ENTREP2: variants seen among roughly 807,000 people sequenced by gnomAD.
ENTREP2 encodes protein ENTREP2.
At chr15:29,160,087 C>T in the ENTREP2 span, among the ~76,000 whole-genome samples, 32 of 152,206 alleles carry the variant, frequency 2.1e-4, no homozygotes, top group Non-Finnish European at 4.3e-4. Context: ...AGCTAAGGCC[C>T]GGTGAGAAAT....
At chr15:29,136,095 A>G in the ENTREP2 span, among the ~76,000 whole-genome samples, 1 of 152,250 alleles carries the variant, frequency 6.6e-6, no homozygotes, top group South Asian at 2.1e-4. Context: ...TGGGTTCCCC[A>G]GGCCCGGGCT....
At chr15:29,347,703 G>A in the ENTREP2 span, among the ~76,000 whole-genome samples, 1 of 152,160 alleles carries the variant, frequency 6.6e-6, no homozygotes, top group Non-Finnish European at 1.5e-5. Context: ...TGATTGAAAA[G>A]AAGATAAGGG....
chr15:29,372,278 G>A, the ENTREP2 span, among the ~76,000 whole-genome samples: 1 of 152,038 alleles, frequency 6.6e-6, no homozygotes, highest in East Asian at 1.9e-4. Flanking sequence ...CTTTATGATG[G>A]TCCACTTCCA....
At chr15:29,515,317 G>A in the ENTREP2 span, among the ~76,000 whole-genome samples, 1 of 152,178 alleles carries the variant, frequency 6.6e-6, no homozygotes, top group African/African-American at 2.4e-5. Flanking sequence ...AACCAGGAGT[G>A]CTGATATCCA....
At chr15:29,255,333 C>A in the ENTREP2 span, among the ~76,000 whole-genome samples, 1 of 152,054 alleles carries the variant, frequency 6.6e-6, no homozygotes, top group Non-Finnish European at 1.5e-5. Context: ...AATGAGATAC[C>A]ATCTCACACC....
the ENTREP2 span, among the ~76,000 whole-genome samples, chr15:29,148,134 TG>T: frequency 6.6e-6 from 1 of 152,208 alleles, no homozygotes; most frequent in African/African-American, 2.4e-5. Flanking sequence ...TTCCTAGGGC[TG>T]AGAGGTGGGA....
chr15:29,136,358 G>C, the ENTREP2 span: 1 of 1,496,628 alleles, frequency 6.7e-7, no homozygotes, highest in Non-Finnish European at 8.8e-7. Flanking sequence ...TGGGGCCCCA[G>C]GCCTCACCTG....
the ENTREP2 span, among the ~76,000 whole-genome samples, chr15:29,653,735 G>A: frequency 6.6e-6 from 1 of 152,224 alleles, no homozygotes; most frequent in South Asian, 2.1e-4. Context: ...CCCAGCCTTG[G>A]GCAGTTCTTT....
chr15:29,134,402 G>C, the ENTREP2 span, among the ~76,000 whole-genome samples: 3 of 152,180 alleles, frequency 2.0e-5, no homozygotes, highest in Non-Finnish European at 2.9e-5. Context: ...ACTGTCTGCA[G>C]CCTGCCTGGC....
the ENTREP2 span, among the ~76,000 whole-genome samples, chr15:29,408,168 G>C: frequency 6.6e-6 from 1 of 152,136 alleles, no homozygotes; most frequent in Non-Finnish European, 1.5e-5. Flanking sequence ...AGAGTGGTCT[G>C]ATTCATCAGC....
chr15:29,150,985 C>T, the ENTREP2 span, among the ~76,000 whole-genome samples: 1 of 151,984 alleles, frequency 6.6e-6, no homozygotes, highest in Admixed American at 6.6e-5. Flanking sequence ...CACACGCGTG[C>T]GCATAGATAT....
At chr15:29,349,930 T>A in the ENTREP2 span, among the ~76,000 whole-genome samples, 8 of 151,456 alleles carry the variant, frequency 5.3e-5, no homozygotes, top group African/African-American at 2.0e-4. Flanking sequence ...AAATAATAAT[T>A]AATTGATTAA....
the ENTREP2 span, among the ~76,000 whole-genome samples, chr15:29,293,217 C>T: frequency 5.9e-5 from 9 of 151,980 alleles, no homozygotes; most frequent in African/African-American, 2.2e-4. Flanking sequence ...GATAGAAACT[C>T]AACTCCCGTT....
the ENTREP2 span, chr15:29,196,519 G>A: frequency 6.4e-7 from 1 of 1,551,666 alleles, no homozygotes; most frequent in South Asian, 1.2e-5. Flanking sequence ...GACGACTGGT[G>A]CTGCAGCTCA....
chr15:29,123,959 C>T, the ENTREP2 span, among the ~76,000 whole-genome samples: 1 of 152,204 alleles, frequency 6.6e-6, no homozygotes, highest in African/African-American at 2.4e-5. Flanking sequence ...CTGGTCCTTC[C>T]CAGTCTTCTC....
At chr15:29,649,727 C>CAAAAAAA in the ENTREP2 span, among the ~76,000 whole-genome samples, 298 of 66,726 alleles carry the variant, frequency 4.5e-3, no homozygotes, top group Middle Eastern at 8.6e-3. Context: ...TCAACAACAA[C>CAAAAAAA]AAAAAAAAAA....
At chr15:29,235,302 T>C in the ENTREP2 span, among the ~76,000 whole-genome samples, 2 of 152,232 alleles carry the variant, frequency 1.3e-5, no homozygotes, top group East Asian at 3.9e-4. Flanking sequence ...TGTTTACAGG[T>C]TGTGATATTT....
chr15:29,636,336 T>C, the ENTREP2 span, among the ~76,000 whole-genome samples: 142 of 152,334 alleles, frequency 9.3e-4, no homozygotes, highest in Non-Finnish European at 1.7e-3. Flanking sequence ...GGAATGTGCT[T>C]GTGCGTACAG....
chr15:29,195,527 A>ATTTT, the ENTREP2 span, among the ~76,000 whole-genome samples: 9 of 151,926 alleles, frequency 5.9e-5, no homozygotes, highest in Admixed American at 5.9e-4. Context: ...ATATTTATTT[A>ATTTT]TCCATTTTTT....
Sources: allele counts gnomAD v4.1 joint callset (sites outside exome capture counted in the v4.1 genomes callset), GRCh38; gene constraint gnomAD v4.1.1; transcripts MANE v1.5; gene names NCBI Gene and HGNC (gene_info 2026-07-23, HGNC 2026-07-21).